Variants in SCHIP1 observed in about 807,000 individuals in gnomAD.
SCHIP1 encodes schwannomin interacting protein 1.
In SCHIP1, 8 loss-of-function variants were observed where a neutral mutation model predicts 29.7. The observed-to-expected ratio is 0.27, with a 90% CI of 0.16 to 0.49. The LOEUF is 0.49. Ranked by LOEUF, SCHIP1 falls within the 20% of genes least tolerant of loss-of-function variation. The pLI is 0.99. For synonymous variants in SCHIP1, 76 were observed against 94.9 expected (o/e 0.80, Z 1.16); for missense variants, 193 against 294.6 (o/e 0.66, Z 2.52).
chr3:159,896,696 T>C (rs1264257609), intron 6 of SCHIP1, 27 bp from the exon 8 acceptor site: 8 of 1,584,286 alleles, frequency 5.0e-6, no homozygotes, highest in Non-Finnish European at 6.9e-6. Flanking sequence ...TACATGATGC[T>C]AAATAATTGT....
the SCHIP1 span, among the ~76,000 whole-genome samples, chr3:159,569,744 A>G: frequency 1.3e-5 from 2 of 152,188 alleles, no homozygotes; most frequent in South Asian, 2.1e-4. Context: ...GAATTGCCAC[A>G]TTGTCTTCCA....
the SCHIP1 span, chr3:159,282,711 AG>A: frequency 1.4e-5 from 2 of 146,328 alleles, no homozygotes; most frequent in Admixed American, 1.3e-4. Context: ...CAGAGAACAA[AG>A]GACTCAGTAA....
the SCHIP1 span, among the ~76,000 whole-genome samples, chr3:159,492,894 G>A: frequency 6.6e-5 from 10 of 152,344 alleles, no homozygotes; most frequent in African/African-American, 2.4e-4. Flanking sequence ...CAGACTAACA[G>A]CTGATCTCTC....
chr3:159,586,981 C>T, the SCHIP1 span, among the ~76,000 whole-genome samples: 2 of 152,252 alleles, frequency 1.3e-5, no homozygotes, highest in South Asian at 4.1e-4. Flanking sequence ...AGAGAGGAAG[C>T]TTCTCTCCAC....
At chr3:159,517,039 T>C in the SCHIP1 span, among the ~76,000 whole-genome samples, 1 of 152,126 alleles carries the variant, frequency 6.6e-6, no homozygotes, top group Non-Finnish European at 1.5e-5. Flanking sequence ...TGAATACCAG[T>C]GTGTGAAATG....
At chr3:159,739,634 C>T in the SCHIP1 span, among the ~76,000 whole-genome samples, 3 of 152,166 alleles carry the variant, frequency 2.0e-5, no homozygotes, top group African/African-American at 7.2e-5. Flanking sequence ...GAAGACCTTG[C>T]TCTTTCAAAT....
At chr3:159,774,891 G>T in the SCHIP1 span, among the ~76,000 whole-genome samples, 1 of 152,148 alleles carries the variant, frequency 6.6e-6, no homozygotes, top group Non-Finnish European at 1.5e-5. Context: ...TCATATGTAT[G>T]TGTAATCAAA....
the SCHIP1 span, among the ~76,000 whole-genome samples, chr3:159,439,527 A>G: frequency 2.0e-5 from 3 of 152,150 alleles, no homozygotes; most frequent in African/African-American, 4.8e-5. Context: ...CATGAGGATT[A>G]TGGAGATTAT....
chr3:159,827,887 A>G, the SCHIP1 span, among the ~76,000 whole-genome samples: 1 of 152,014 alleles, frequency 6.6e-6, no homozygotes, highest in Non-Finnish European at 1.5e-5. Context: ...TAGTAAATTC[A>G]ATTTTCATAA....
At chr3:159,753,733 T>G in the SCHIP1 span, among the ~76,000 whole-genome samples, 60 of 152,322 alleles carry the variant, frequency 3.9e-4, no homozygotes, top group African/African-American at 1.1e-3. Flanking sequence ...GAGTGGCTGT[T>G]AGGATAAAGA....
intron 1 of SCHIP1, among the ~76,000 whole-genome samples, chr3:159,857,017 G>A (rs1428949746): frequency 1.3e-5 from 2 of 152,140 alleles, no homozygotes; most frequent in Admixed American, 6.5e-5. Context: ...TTAAGTTACC[G>A]AAGCCTGGGA....
the SCHIP1 span, among the ~76,000 whole-genome samples, chr3:159,628,084 G>A: frequency 1.3e-5 from 2 of 152,328 alleles, no homozygotes; most frequent in East Asian, 3.9e-4. Context: ...AAGAGCAAGA[G>A]GCTAAGAAGC....
chr3:159,665,215 G>A, the SCHIP1 span, among the ~76,000 whole-genome samples: 2 of 152,206 alleles, frequency 1.3e-5, no homozygotes, highest in East Asian at 3.8e-4. Flanking sequence ...TCTGTAACGC[G>A]ATTGGGATAT....
chr3:159,550,333 C>A, the SCHIP1 span, among the ~76,000 whole-genome samples: 4 of 152,106 alleles, frequency 2.6e-5, no homozygotes, highest in East Asian at 7.7e-4. Context: ...TAAGATATCA[C>A]ACTACGCTTA....
chr3:159,711,814 C>G, the SCHIP1 span, among the ~76,000 whole-genome samples: 9 of 152,204 alleles, frequency 5.9e-5, no homozygotes, highest in African/African-American at 2.2e-4. Context: ...CCAGGACTTG[C>G]TGACAGGGAA....
chr3:159,731,923 A>G, the SCHIP1 span, among the ~76,000 whole-genome samples: 2 of 151,514 alleles, frequency 1.3e-5, no homozygotes, highest in Admixed American at 6.6e-5. Context: ...ATCTTGGCTC[A>G]TTGCAACCTC....
the SCHIP1 span, among the ~76,000 whole-genome samples, chr3:159,579,536 T>TA: frequency 1.3e-5 from 2 of 152,134 alleles, 1 homozygote; most frequent in Non-Finnish European, 2.9e-5. Flanking sequence ...AGCAGCGAAA[T>TA]AAGACATGAA....
intron 1 of SCHIP1, among the ~76,000 whole-genome samples, chr3:159,850,184 A>G (rs1240733328): frequency 2.6e-5 from 4 of 152,200 alleles, no homozygotes; most frequent in Non-Finnish European, 5.9e-5. Context: ...TTCCAGATGT[A>G]TGATCTGGAA....
At chr3:159,586,720 G>C in the SCHIP1 span, among the ~76,000 whole-genome samples, 1 of 152,076 alleles carries the variant, frequency 6.6e-6, no homozygotes, top group South Asian at 2.1e-4. Flanking sequence ...TTCCATGCTA[G>C]GCCTGAGGAT....
Sources: allele counts gnomAD v4.1 joint callset (sites outside exome capture counted in the v4.1 genomes callset), GRCh38; gene constraint gnomAD v4.1.1; transcripts MANE v1.5; gene names NCBI Gene and HGNC (gene_info 2026-07-23, HGNC 2026-07-21).